KDM2B: variants seen among roughly 807,000 people sequenced by gnomAD.
KDM2B encodes lysine demethylase 2B, also known as lysine-specific demethylase 2B.
A neutral mutation model predicts 150.0 loss-of-function variants in KDM2B; 26 were observed. The observed-to-expected ratio is 0.17, with a 90% CI of 0.13 to 0.24. The LOEUF (loss-of-function observed/expected upper bound fraction) is 0.24, where lower values mean the gene tolerates loss of function less well. Among genes scored for constraint, KDM2B ranks in the 10% least tolerant of loss-of-function variants. The probability of loss-of-function intolerance (pLI) is 1.00; values close to 1 mark genes in which losing one functional copy is unlikely to be tolerated. For synonymous variants in KDM2B, 734 were observed against 729.5 expected, an observed-to-expected ratio of 1.01 and a Z score of -0.10; for missense variants, 1,265 against 1,816.9, an observed-to-expected ratio of 0.70 and a Z score of 5.52.
chr12:121,547,561 T>C (rs543032818), intron 6 of KDM2B, among the ~76,000 whole-genome samples: 1 of 151,478 alleles, frequency 6.6e-6, no homozygotes, highest in Non-Finnish European at 1.5e-5. Context: ...CAGATGCTAA[T>C]GGATTCAGGC....
intron 13 of KDM2B, among the ~76,000 whole-genome samples, chr12:121,451,839 G>A (rs2138697385): frequency 6.6e-6 from 1 of 152,116 alleles, no homozygotes; most frequent in African/African-American, 2.4e-5. Flanking sequence ...TTGAACCCAG[G>A]AGGCAGGGGT....
intron 11 of KDM2B, among the ~76,000 whole-genome samples, chr12:121,502,760 CAAAAAAAAAAAAAA>C (rs3080029): frequency 4.6e-3 from 208 of 45,188 alleles, no homozygotes; most frequent in African/African-American, 0.012. Flanking sequence ...CCATCTCTAC[CAAAAAAAAAAAAAA>C]AAAAAAAAAA....
At chr12:121,482,088 G>A (rs1326710831) in intron 12 of KDM2B, among the ~76,000 whole-genome samples, 1 of 151,576 alleles carries the variant, frequency 6.6e-6, no homozygotes, top group Non-Finnish European at 1.5e-5. Context: ...GCCTATCTTA[G>A]GCATTATTAA....
chr12:121,580,140 CA>C, intron 1 of KDM2B: 1 of 1,565,582 alleles, frequency 6.4e-7, no homozygotes. Context: ...CCAAAGAAAA[CA>C]AACCAAAAAA....
intron 4 of KDM2B, among the ~76,000 whole-genome samples, chr12:121,551,424 C>A (rs1183142656): frequency 2.0e-5 from 3 of 151,340 alleles, no homozygotes; most frequent in Middle Eastern, 3.4e-3. Flanking sequence ...TGGCTCACTG[C>A]AGCCTCAACC....
Position 121,518,815 on chromosome 12 carries a change from C to T in KDM2B, c.1047+2170G>A, listed in dbSNP as rs1213321903. On this transcript the variant is annotated intron_variant, in intron 9 of 22. Transcript: ENST00000377071. The surrounding 1 kb of genome is among the most constrained non-coding windows in gnomAD (Gnocchi z 4.4). ...ACTAGATTTCTCCATCTCTATTCCA[C>T]ACGTCTGCTCGTGCACAAACTGGCC... Among the ~76,000 whole-genome samples the T allele has an allele frequency of 6.6e-6, 1 of 152,220 alleles. No individual in the cohort carries two copies. Among genetic ancestry groups the T allele is most frequent in the Non-Finnish European group, 1.5e-5 (1 of 68,034 alleles).
chr12:121,579,869 T>C, intron 1 of KDM2B: 1 of 1,394,872 alleles, frequency 7.2e-7, no homozygotes, highest in Non-Finnish European at 9.6e-7. Flanking sequence ...TCCTTTTGCA[T>C]GCAATTTATT....
At chr12:121,475,932 G>C (rs782572642) in intron 12 of KDM2B, among the ~76,000 whole-genome samples, 2 of 151,822 alleles carry the variant, frequency 1.3e-5, no homozygotes, top group African/African-American at 2.4e-5. Flanking sequence ...GGGAGGGCAA[G>C]GTAGGAGGAT....
intron 22 of KDM2B, 94 bp downstream of exon 22, chr12:121,439,763 A>G: frequency 1.1e-6 from 1 of 907,452 alleles, no homozygotes; most frequent in Non-Finnish European, 1.8e-6. Context: ...CTGTGACCAC[A>G]TAGCTGTAGA....
At chr12:121,502,009 G>A (rs1404189654) in intron 11 of KDM2B, among the ~76,000 whole-genome samples, 2 of 152,132 alleles carry the variant, frequency 1.3e-5, no homozygotes, top group Non-Finnish European at 2.9e-5. Context: ...CCCAGAAGAG[G>A]CCGCATCAAT....
At chr12:121,449,684 AAC>A (rs1275111716) in intron 13 of KDM2B, among the ~76,000 whole-genome samples, 5 of 152,246 alleles carry the variant, frequency 3.3e-5, no homozygotes, top group African/African-American at 9.6e-5. Flanking sequence ...TCTAAAAACC[AAC>A]AGTTGCTATA....
downstream of KDM2B, chr12:121,428,972 G>C (rs552435718): frequency 6.6e-6 from 1 of 152,368 alleles, no homozygotes; most frequent in East Asian, 1.9e-4. Flanking sequence ...ATTCCTACGC[G>C]TGGCCGTTGT....
chr12:121,464,671 G>T (rs1053600995), intron 12 of KDM2B, among the ~76,000 whole-genome samples: 3 of 152,236 alleles, frequency 2.0e-5, no homozygotes, highest in Admixed American at 2.0e-4. Flanking sequence ...GCCTCCCTCC[G>T]ACGGGTCCTT....
chr12:121,505,830 T>C (rs1555302842), intron 11 of KDM2B, among the ~76,000 whole-genome samples: 1 of 152,066 alleles, frequency 6.6e-6, no homozygotes, highest in East Asian at 1.9e-4. Context: ...GGCTATGAAT[T>C]GTCTCAGACC....
chr12:121,477,834 T>G (rs1407455911), intron 12 of KDM2B, among the ~76,000 whole-genome samples: 1 of 152,110 alleles, frequency 6.6e-6, no homozygotes, highest in African/African-American at 2.4e-5. Context: ...TGCCTTGGCC[T>G]CCCAAAGTGC....
chr12:121,497,374 G>A (rs1884080646), intron 11 of KDM2B, among the ~76,000 whole-genome samples: 1 of 152,078 alleles, frequency 6.6e-6, no homozygotes, highest in African/African-American at 2.4e-5. Flanking sequence ...GCACCATCTT[G>A]GTTCACTGCA....
At chr12:121,487,681 T>A (rs1555299148) in intron 12 of KDM2B, among the ~76,000 whole-genome samples, 1 of 152,038 alleles carries the variant, frequency 6.6e-6, no homozygotes, top group Non-Finnish European at 1.5e-5. Context: ...CCCCATGGTC[T>A]CAGTGGCCTC....
At chr12:121,580,705 A>G in intron 1 of KDM2B, 81 bp downstream of exon 1, 57 of 987,440 alleles carry the variant, frequency 5.8e-5, no homozygotes, top group East Asian at 7.8e-5. Context: ...CCCAAAAACG[A>G]CCCCCCACCT....
chr12:121,475,407 C>T (rs1450714573), intron 12 of KDM2B, among the ~76,000 whole-genome samples: 1 of 145,118 alleles, frequency 6.9e-6, no homozygotes, highest in African/African-American at 2.6e-5. Flanking sequence ...CTGGGCAACA[C>T]ACTGAGACCC....
Sources: allele counts gnomAD v4.1 joint callset (sites outside exome capture counted in the v4.1 genomes callset), GRCh38; gene constraint gnomAD v4.1.1; non-coding constraint Gnocchi (gnomAD v3.1); transcripts MANE v1.5; gene names NCBI Gene and HGNC (gene_info 2026-07-23, HGNC 2026-07-21).